SMIM14: variants seen among roughly 807,000 people sequenced by gnomAD.
The protein encoded by SMIM14 is chromosome 4 open reading frame 34.
SMIM14 carries 5 observed loss-of-function variants against 12.6 expected under a neutral mutation model. The ratio of observed to expected loss-of-function variants is 0.40; its 90% CI spans 0.21 to 0.83. The LOEUF is 0.83. SMIM14 is among the 40% of genes least tolerant of loss of function. The pLI is 0.37. For missense variants in SMIM14, 86 were observed against 119.1 expected, an observed-to-expected ratio of 0.72 and a Z score of 1.29; for synonymous variants, 30 against 40.1, an observed-to-expected ratio of 0.75 and a Z score of 0.95.
intron 1 of SMIM14, among the ~76,000 whole-genome samples, chr4:39,613,411 G>A (rs1715104218): frequency 6.6e-6 from 1 of 152,170 alleles, no homozygotes. Context: ...GCTGTTTTAA[G>A]TACTACTCCG....
At chr4:39,563,058 T>C (rs1003799743) in intron 3 of SMIM14, among the ~76,000 whole-genome samples, 1 of 151,924 alleles carries the variant, frequency 6.6e-6, no homozygotes, top group African/African-American at 2.4e-5. Context: ...CCCATACCTC[T>C]TCTTTTTTTT....
chr4:39,595,076 A>G (rs901152131), intron 2 of SMIM14, among the ~76,000 whole-genome samples: 8 of 141,940 alleles, frequency 5.6e-5, no homozygotes, highest in African/African-American at 2.1e-4. Flanking sequence ...AGGACTATAA[A>G]TCATGCTGCT....
At chr4:39,637,086 T>C (rs1422991418) in intron 1 of SMIM14, among the ~76,000 whole-genome samples, 1 of 152,196 alleles carries the variant, frequency 6.6e-6, no homozygotes, top group African/African-American at 2.4e-5. Context: ...AAAAGCAGGT[T>C]ATGTACTGAA....
rs544886738 is a variant in SMIM14 at position 39,629,012 on chromosome 4, C to A, written c.-36+9727G>T. 1.2e-4 allele frequency among the ~76,000 whole-genome samples: 18 copies of A among 151,610 alleles called. No homozygotes were observed. In the South Asian group the frequency reaches 3.1e-3, roughly 26 times the overall value. On this transcript the variant is annotated intron_variant, in intron 1 of 4. Transcript: ENST00000295958. Reference sequence around the variant, plus strand: ...CCTCTCAAAGTGCTGGGATTACAGGCGTGAGCCACTGTGCCCGACCAGGAA... The same window carrying A: ...CCTCTCAAAGTGCTGGGATTACAGGAGTGAGCCACTGTGCCCGACCAGGAA...
chr4:39,586,587 C>A (rs567823385), intron 2 of SMIM14, among the ~76,000 whole-genome samples: 1 of 152,134 alleles, frequency 6.6e-6, no homozygotes, highest in Admixed American at 6.6e-5. Context: ...TCTTGCTGAG[C>A]TCTCTCCAAA....
intron 1 of SMIM14, among the ~76,000 whole-genome samples, chr4:39,613,844 G>A (rs1018298053): frequency 2.0e-5 from 3 of 152,104 alleles, no homozygotes; most frequent in African/African-American, 7.2e-5. Context: ...TCTCAAAAAT[G>A]TGCAACAGGT....
rs1578303251 is a variant in SMIM14 at position 39,551,467 on chromosome 4, T to C, written c.*659A>G. Reference sequence around the variant, plus strand: ...TTTAAGGTTTTCTTAACATTAGAGATTTTTAATGGGAGTATAAAATTAGTA... The same window carrying C: ...TTTAAGGTTTTCTTAACATTAGAGACTTTTAATGGGAGTATAAAATTAGTA... On this transcript the variant is annotated 3_prime_UTR_variant, in exon 5 of 5. Coordinates refer to ENST00000295958, the MANE Select transcript of SMIM14 (RefSeq NM_174921.3). The C allele has an allele frequency of 6.5e-6, 1 of 152,712 alleles. No individual in the cohort carries two copies. Among genetic ancestry groups the C allele is most frequent in the South Asian group, 2.1e-4 (1 of 4,826 alleles). The allele number at this position is 152,712 out of a possible 1,614,324, so 9.5% of individuals were successfully genotyped here.
intron 1 of SMIM14, among the ~76,000 whole-genome samples, chr4:39,620,767 C>A (rs1018367062): frequency 6.6e-6 from 1 of 152,202 alleles, no homozygotes; most frequent in East Asian, 1.9e-4. Flanking sequence ...GTCCTGATGA[C>A]CCTGTGTTAA....
At chr4:39,638,540 G>C (rs893212556) in intron 1 of SMIM14, 199 bp downstream of exon 1, 2 of 985,374 alleles carry the variant, frequency 2.0e-6, no homozygotes, top group Non-Finnish European at 1.2e-6. Flanking sequence ...GGCTCTTCGC[G>C]GGGGACGCGG....
intron 4 of SMIM14, among the ~76,000 whole-genome samples, chr4:39,555,654 G>A (rs768052460): frequency 6.6e-6 from 1 of 152,236 alleles, no homozygotes; most frequent in African/African-American, 2.4e-5. Context: ...CAACATGAAT[G>A]ATTCCGACCT....
intron 2 of SMIM14, among the ~76,000 whole-genome samples, chr4:39,590,394 C>T (rs145621537): frequency 0.029 from 4,336 of 149,122 alleles, 204 homozygotes; most frequent in African/African-American, 0.099. Context: ...GCCTGAGCAA[C>T]AAGAGCAAAA....
intron 1 of SMIM14, among the ~76,000 whole-genome samples, chr4:39,609,324 A>G (rs1272507426): frequency 2.0e-5 from 3 of 152,172 alleles, no homozygotes; most frequent in African/African-American, 7.2e-5. Flanking sequence ...TATGTAAATC[A>G]TATCTCAAAA....
chr4:39,623,268 A>G (rs1416340805), intron 1 of SMIM14, among the ~76,000 whole-genome samples: 1 of 152,206 alleles, frequency 6.6e-6, no homozygotes, highest in East Asian at 1.9e-4. Context: ...TGATGGGTCC[A>G]CAGAGATTCA....
At chr4:39,621,075 AG>A (rs1715467771) in intron 1 of SMIM14, 1 of 152,198 alleles carries the variant, frequency 6.6e-6, no homozygotes, top group African/African-American at 2.4e-5. Flanking sequence ...AAAGCTCCCC[AG>A]AAAAAATTCC....
intron 1 of SMIM14, among the ~76,000 whole-genome samples, chr4:39,607,181 G>A (rs1482258656): frequency 6.6e-6 from 1 of 151,900 alleles, no homozygotes; most frequent in Non-Finnish European, 1.5e-5. Flanking sequence ...GTGAGCTGTG[G>A]GACAACTTCA....
At chr4:39,614,193 A>G (rs865851163) in intron 1 of SMIM14, among the ~76,000 whole-genome samples, 1 of 149,722 alleles carries the variant, frequency 6.7e-6, no homozygotes, top group South Asian at 2.1e-4. Context: ...TACAAAAAAA[A>G]AAAAAAAAAA....
chr4:39,625,174 T>C (rs1462038471), intron 1 of SMIM14, among the ~76,000 whole-genome samples: 1 of 143,766 alleles, frequency 7.0e-6, no homozygotes, highest in Non-Finnish European at 1.5e-5. Context: ...GCTGAGATCA[T>C]GCCATTGCAC....
intron 1 of SMIM14, among the ~76,000 whole-genome samples, chr4:39,618,178 C>T (rs899721533): frequency 6.6e-6 from 1 of 152,104 alleles, no homozygotes; most frequent in African/African-American, 2.4e-5. Context: ...GAAAAGGCCC[C>T]CAAAACATCA....
intron 4 of SMIM14, among the ~76,000 whole-genome samples, chr4:39,554,662 T>A (rs1045465375): frequency 2.7e-5 from 4 of 147,074 alleles, no homozygotes; most frequent in Non-Finnish European, 6.0e-5. Flanking sequence ...TCCTTTTTTT[T>A]TTTTTTTTTT....
Sources: allele counts gnomAD v4.1 joint callset (sites outside exome capture counted in the v4.1 genomes callset), GRCh38; gene constraint gnomAD v4.1.1; transcripts MANE v1.5; gene names NCBI Gene and HGNC (gene_info 2026-07-23, HGNC 2026-07-21).